The following ATP2B3 variants were observed in gnomAD, a reference collection of about 807,000 sequenced individuals.
The protein encoded by ATP2B3 is ATPase plasma membrane Ca2+ transporting 3.
A neutral mutation model predicts 70.8 loss-of-function variants in ATP2B3; 12 were observed. The observed-to-expected ratio is 0.17, with a 90% confidence interval of 0.11 to 0.27. ATP2B3 has a LOEUF of 0.27. ATP2B3 is among the 10% of genes least tolerant of loss of function. The probability of loss-of-function intolerance (pLI) is 1.00; values close to 1 mark genes in which losing one functional copy is unlikely to be tolerated. For synonymous variants in ATP2B3, 460 were observed against 497.8 expected, an observed-to-expected ratio of 0.92 and a Z score of 1.01; for missense variants, 858 against 1,118.5, an observed-to-expected ratio of 0.77 and a Z score of 3.32.
intron 21 of ATP2B3, chrX:153,569,812 C>G: frequency 8.7e-7 from 1 of 1,153,188 alleles, no homozygotes; most frequent in Non-Finnish European, 1.2e-6. Context: ...AAGAATAAGC[C>G]TCCCCAGCTC....
At position 153,553,249 on chromosome X, in the gene ATP2B3, G is replaced by A; in HGVS notation, c.2038G>A (p.Glu680Lys). ...CACCTGCATAGCTGTCGTGGGCATT[G>A]AGGACCCTGTGCGGCCCGAGGTAGC... The part of the protein sequence containing the change: ...DLTCIAVVGI[E>K]DPVRPEVPEA... Residue 680 changes from glutamate (E) to lysine (K), a missense_variant, in exon 13 of 22, where the codon GAG becomes AAG. Glu to Lys is a moderately conservative substitution (Grantham distance 56). Around this residue, in one of 5 missense-constraint regions of ATP2B3, gnomAD observed 242 missense variants for 281.3 expected, o/e 0.86. Transcript: ENST00000263519. 8.3e-7 allele frequency: 1 copy of A among 1,206,646 alleles called. No individual in the cohort carries two copies. Among genetic ancestry groups the A allele is most frequent in the Non-Finnish European group, 1.1e-6 (1 of 891,616 alleles).
chrX:153,552,426 CCTCGG>C (rs1320504836), intron 12 of ATP2B3, among the ~76,000 whole-genome samples: 1 of 112,364 alleles, frequency 8.9e-6, no homozygotes, highest in Non-Finnish European at 1.9e-5. Context: ...CCTCTGTGAC[CCTCGG>C]CTCCTTTGCT....
intron 21 of ATP2B3, among the ~76,000 whole-genome samples, chrX:153,573,830 G>C (rs1427180898): frequency 2.0e-4 from 23 of 112,528 alleles, no homozygotes; most frequent in African/African-American, 6.8e-4. Context: ...CAGCTTGCTG[G>C]TGTTGGGAGC....
intron 2 of ATP2B3, among the ~76,000 whole-genome samples, chrX:153,520,720 G>A (rs781843303): frequency 1.2e-4 from 13 of 112,607 alleles, no homozygotes; most frequent in Non-Finnish European, 1.9e-4. Context: ...GGGCTGGAAT[G>A]TAGTCCATCA....
rs1333981118 is a variant in ATP2B3 at position 153,559,905 on chromosome X, G to A, written c.2802G>A (p.Val934=). Reference sequence around the variant, plus strand: ...TGAAGAACATTCTGGGCCACGCCGTGTACCAGCTCGCCATCATCTTCACCC... The same window carrying A: ...TGAAGAACATTCTGGGCCACGCCGTATACCAGCTCGCCATCATCTTCACCC... ...TMMKNILGHA[V]YQLAIIFTLL... The change falls in exon 18 of 22, where the codon GTG becomes GTA. Residue 934 remains valine, a synonymous_variant. Coordinates refer to ENST00000263519, the MANE Select transcript of ATP2B3 (RefSeq NM_001001344.3). 2.5e-6 allele frequency: 3 copies of A among 1,210,153 alleles called. No individual in the cohort carries two copies. In the African/African-American group the frequency reaches 5.2e-5, roughly 21 times the overall value.
intron 21 of ATP2B3, chrX:153,569,683 T>G (rs2090760195): frequency 8.3e-7 from 1 of 1,209,585 alleles, no homozygotes; most frequent in Admixed American, 2.2e-5. Flanking sequence ...TCAGCCAGCT[T>G]CATGACGTAA....
intron 7 of ATP2B3, among the ~76,000 whole-genome samples, chrX:153,544,529 T>C (rs920711057): frequency 9.0e-6 from 1 of 111,363 alleles, no homozygotes; most frequent in African/African-American, 3.3e-5. Flanking sequence ...GAGGGCTTCC[T>C]GGAGGAAGAG....
intron 3 of ATP2B3, among the ~76,000 whole-genome samples, chrX:153,540,868 C>A (rs1420849089): frequency 1.8e-5 from 2 of 112,262 alleles, no homozygotes; most frequent in Non-Finnish European, 3.8e-5. Flanking sequence ...CCACTAAAGT[C>A]CCCTGGACAC....
At chrX:153,566,091 CCTGCAGCCT>C (rs1376668379) in intron 21 of ATP2B3, among the ~76,000 whole-genome samples, 1 of 112,638 alleles carries the variant, frequency 8.9e-6, no homozygotes, top group Non-Finnish European at 1.9e-5. Flanking sequence ...CACCGCAGCC[CCTGCAGCCT>C]CTCCTTCATG....
chrX:153,573,366 G>A (rs1979201058), intron 21 of ATP2B3, among the ~76,000 whole-genome samples: 1 of 112,472 alleles, frequency 8.9e-6, no homozygotes, highest in African/African-American at 3.2e-5. Context: ...GTTTTCTGGA[G>A]TTTGCTCCAT....
intron 12 of ATP2B3, among the ~76,000 whole-genome samples, chrX:153,552,170 T>C (rs2090467442): frequency 8.9e-6 from 1 of 112,386 alleles, no homozygotes; most frequent in Admixed American, 9.4e-5. Flanking sequence ...ACTGAGGCAC[T>C]GCGGACAAAA....
rs1404234803 is a variant in ATP2B3, at chrX:153,573,278, GC to G, written c.3343-6699del. ...CCAAACCGGGCCACGTGAGTCCCAG[GC>G]TTTCCCTGGACACTCCTTTCCAGGG... On this transcript the variant is annotated intron_variant, in intron 21 of 21. Coordinates refer to ENST00000263519, the MANE Select transcript of ATP2B3 (RefSeq NM_001001344.3). 3.6e-5 allele frequency among the ~76,000 whole-genome samples: 4 copies of G among 112,499 alleles called. No homozygotes were observed. In the East Asian group the frequency reaches 1.1e-3, roughly 32 times the overall value.
At chrX:153,548,300 G>C (rs782573234) in intron 9 of ATP2B3, among the ~76,000 whole-genome samples, 2 of 112,045 alleles carry the variant, frequency 1.8e-5, no homozygotes, top group African/African-American at 3.2e-5. Context: ...TCAAAAGGCA[G>C]CTGGGGGCAT....
chrX:153,556,526 G>A lies in ATP2B3; in HGVS notation c.2326+108G>A, dbSNP rs781832285. The stretch of plus-strand genomic sequence containing the variant: ...CAGGTCCCCAGGGCCTGCCTAGGAA[G>A]CTGGGTCCATTTGTCCCATTAGCCC... On this transcript the variant is annotated intron_variant, in intron 15 of 21. Coordinates refer to ENST00000263519, the MANE Select transcript of ATP2B3 (RefSeq NM_001001344.3). The A allele has an allele frequency of 1.3e-5, 11 of 844,137 alleles. No individual in the cohort carries two copies. The South Asian group carries it at 1.5e-4, about 11-fold the overall frequency. The allele number at this position is 844,137 out of a possible 1,213,427, so 69.6% of individuals were successfully genotyped here.
In ATP2B3 at chrX:153,518,510, G is replaced by A. The variant is rs1556996884; in HGVS notation, c.-168G>A. On this transcript the variant is annotated 5_prime_UTR_variant, in exon 2 of 22. In the 5' UTR this introduces an upstream ATG that the reference lacks. Coordinates refer to ENST00000263519, the MANE Select transcript of ATP2B3 (RefSeq NM_001001344.3). The stretch of plus-strand genomic sequence containing the variant: ...TGTGGCCGCCTGCGTTTTCTCACGG[G>A]TGAAAGCTCTGGCTTTAAGATTCTG... Among the ~76,000 whole-genome samples, 1 of 112,938 alleles carries A rather than the reference G, an allele frequency of 8.9e-6. No individual in the cohort carries two copies. Among genetic ancestry groups the A allele is most frequent in the African/African-American group, 3.2e-5 (1 of 31,154 alleles).
intron 2 of ATP2B3, among the ~76,000 whole-genome samples, chrX:153,522,388 T>C (rs1556998110): frequency 8.9e-6 from 1 of 112,120 alleles, no homozygotes; most frequent in African/African-American, 3.2e-5. Flanking sequence ...GCCGGGAGGA[T>C]GGACTGAGGC....
rs782074645 is a variant in ATP2B3 at position 153,567,774 on chromosome X, G to T, written c.3342+2671G>T. On this transcript the variant is annotated intron_variant, in intron 21 of 21. Coordinates refer to ENST00000263519, the MANE Select transcript of ATP2B3 (RefSeq NM_001001344.3). ...AAACAGGGTGCACTCTTTCCCCTTG[G>T]CACCAGCCGATCCGACTCTTCCACG... 3.5e-3 allele frequency among the ~76,000 whole-genome samples: 386 copies of T among 111,871 alleles called. 4 individuals carry two copies. Among genetic ancestry groups the T allele is most frequent in the African/African-American group, 0.012 (368 of 30,798 alleles).
chrX:153,553,655 C>G (rs2269413), intron 13 of ATP2B3, among the ~76,000 whole-genome samples: 50,634 of 111,177 alleles, frequency 0.46, 9,176 homozygotes, highest in South Asian at 0.65. Context: ...TGGGGCTACT[C>G]TACGGTCAGG....
chrX:153,529,598 T>G lies in ATP2B3; in HGVS notation c.-126-6524T>G, dbSNP rs189061920. ...CTAAAATGTACCACGTTCACCATTT[T>G]TAAGTGTGCGGCCCAGGGGCAGAAG... On this transcript the variant is annotated intron_variant, in intron 2 of 21. Transcript: ENST00000263519. Among the ~76,000 whole-genome samples the G allele has an allele frequency of 5.5e-3, 616 of 112,066 alleles. 3 individuals carry two copies. The highest frequency in any genetic ancestry group is 0.016 in the South Asian group (42 of 2,700).
Sources: gnomAD v4.1 joint callset for allele counts (sites outside exome capture counted in the v4.1 genomes callset) on GRCh38, gnomAD v4.1.1 for gene constraint, gnomAD v4.1.1 regional missense constraint, MANE v1.5 for transcripts, NCBI Gene and HGNC (gene_info 2026-07-23, HGNC 2026-07-21) for gene names.